The following KIDINS220 variants were observed in gnomAD, a reference collection of about 807,000 sequenced individuals.
KIDINS220 encodes kinase D-interacting substrate of 220 kDa.
In KIDINS220, 63 loss-of-function variants were observed where a neutral mutation model predicts 157.6. The ratio of observed to expected loss-of-function variants is 0.40; its 90% CI spans 0.33 to 0.49. The LOEUF is 0.49. Ranked by LOEUF, KIDINS220 falls within the 20% of genes least tolerant of loss-of-function variation. KIDINS220 has a pLI of 0.66. For missense variants in KIDINS220, 1,772 were observed against 2,171.2 expected (o/e 0.82, Z 3.65); for synonymous variants, 732 against 783.6 (o/e 0.93, Z 1.10).
intron 2 of KIDINS220, among the ~76,000 whole-genome samples, chr2:8,820,329 C>A (rs144902757): frequency 1.3e-5 from 2 of 152,282 alleles, no homozygotes; most frequent in Non-Finnish European, 2.9e-5. Flanking sequence ...GTCTGTTTTG[C>A]TTATGGGTTT....
At chr2:8,760,047 CAG>C (rs1668551453) in intron 22 of KIDINS220, among the ~76,000 whole-genome samples, 1 of 152,216 alleles carries the variant, frequency 6.6e-6, no homozygotes, top group Admixed American at 6.5e-5. Flanking sequence ...CCAGTTCAAA[CAG>C]GAGCCACAGA....
At position 8,731,224 on chromosome 2, in the gene KIDINS220, C is replaced by T. The variant is rs775005607; in HGVS notation, c.4812G>A (p.Ala1604=). The T allele has an allele frequency of 8.7e-6, 14 of 1,614,018 alleles. No individual in the cohort carries two copies. Among genetic ancestry groups the T allele is most frequent in the Admixed American group, 5.0e-5 (3 of 60,000 alleles). The part of the protein sequence containing the change: ...SPNHSLHNEV[A]DDSQLEKANL... ...TTGCCTTTTCAAGCTGGGAGTCATC[C>T]GCCACTTCATTGTGCAGAGAGTGAT... The change falls in exon 30 of 30, where the codon GCG becomes GCA. Residue 1604 remains alanine (A), a synonymous_variant. Transcript: ENST00000256707. The surrounding 1 kb of genome is among the most constrained non-coding windows in gnomAD (Gnocchi z 5.2).
chr2:8,785,709 A>T lies in KIDINS220; in HGVS notation c.2229+32T>A, dbSNP rs73916005. ...ATGGCAGTGGCAACATATTCGCATT[A>T]CAATTTTTTCTAATAACCAATGAGT... On this transcript the variant is annotated intron_variant, in intron 17 of 29. Coordinates refer to ENST00000256707, the MANE Select transcript of KIDINS220 (RefSeq NM_020738.4). The T allele has an allele frequency of 1.5e-5, 24 of 1,572,560 alleles. No individual in the cohort carries two copies. The African/African-American group carries it at 3.3e-4, about 21-fold the overall frequency.
At chr2:8,776,343 G>C (rs1282675356) in intron 21 of KIDINS220, among the ~76,000 whole-genome samples, 1 of 151,748 alleles carries the variant, frequency 6.6e-6, no homozygotes, top group Non-Finnish European at 1.5e-5. Flanking sequence ...TCAGGCACAG[G>C]GCAATAATCC....
chr2:8,820,467 T>C (rs765750143), intron 2 of KIDINS220, among the ~76,000 whole-genome samples: 1 of 152,114 alleles, frequency 6.6e-6, no homozygotes, highest in Non-Finnish European at 1.5e-5. Flanking sequence ...AATAAGCAAA[T>C]AGTTATAATG....
chr2:8,776,705 T>C, intron 21 of KIDINS220, 43 bp downstream of exon 21: 1 of 1,563,808 alleles, frequency 6.4e-7, no homozygotes, highest in Non-Finnish European at 8.8e-7. Context: ...TTGTGAATGC[T>C]AAAGCTTATT....
At chr2:8,775,940 C>T (rs368367192) in intron 21 of KIDINS220, among the ~76,000 whole-genome samples, 2 of 152,102 alleles carry the variant, frequency 1.3e-5, no homozygotes, top group African/African-American at 4.8e-5. Flanking sequence ...TCCACAATGC[C>T]CAGAAATGTT....
At chr2:8,795,015 T>G (rs1288878565) in intron 11 of KIDINS220, among the ~76,000 whole-genome samples, 1 of 152,208 alleles carries the variant, frequency 6.6e-6, no homozygotes, top group African/African-American at 2.4e-5. Flanking sequence ...AAGTAGCTTA[T>G]GTCGTAATAG....
intron 28 of KIDINS220, 135 bp from the exon 29 acceptor site, chr2:8,733,815 T>G: frequency 1.6e-6 from 1 of 611,302 alleles, no homozygotes; most frequent in East Asian, 2.9e-5. Context: ...AGTGAATTTC[T>G]AGTGAATTTG....
chr2:8,745,930 A>G (rs956285213), intron 26 of KIDINS220, among the ~76,000 whole-genome samples: 7 of 152,158 alleles, frequency 4.6e-5, no homozygotes, highest in African/African-American at 1.7e-4. Context: ...TAAACTGACC[A>G]TATTACATGG....
intron 2 of KIDINS220, among the ~76,000 whole-genome samples, chr2:8,821,785 G>A (rs1428219221): frequency 1.3e-5 from 2 of 152,040 alleles, no homozygotes; most frequent in Non-Finnish European, 2.9e-5. Flanking sequence ...AAAATAGAAC[G>A]ATTGTTATTT....
chr2:8,756,249 C>T (rs1374113298), intron 22 of KIDINS220, among the ~76,000 whole-genome samples: 1 of 152,026 alleles, frequency 6.6e-6, no homozygotes, highest in Non-Finnish European at 1.5e-5. Flanking sequence ...GTAAAATGAA[C>T]TGCCTTCTTA....
Position 8,731,626 on chromosome 2 carries a change from A to G in KIDINS220, c.4410T>C (p.Ala1470=), listed in dbSNP as rs904620493. The change falls in exon 30 of 30, where the codon GCT becomes GCC. Residue 1470 remains alanine (A), a synonymous_variant. Coordinates refer to ENST00000256707, the MANE Select transcript of KIDINS220 (RefSeq NM_020738.4). This position sits in a 1 kb window ranked among gnomAD's most constrained non-coding sequence, Gnocchi z 5.2. Reference sequence around the variant, plus strand: ...CTTCAGTGATAGGATCCAGGGGGGAAGCATCGTTGGTGGAAACCCCTGATG... The same window carrying G: ...CTTCAGTGATAGGATCCAGGGGGGAGGCATCGTTGGTGGAAACCCCTGATG... ...YSSSGVSTND[A]SPLDPITEED... The G allele has an allele frequency of 3.1e-6, 5 of 1,614,192 alleles. No individual in the cohort carries two copies. The highest frequency in any genetic ancestry group is 4.2e-6 in the Non-Finnish European group (5 of 1,180,036).
At chr2:8,827,658 A>G (rs1679008973) in intron 1 of KIDINS220, among the ~76,000 whole-genome samples, 1 of 152,000 alleles carries the variant, frequency 6.6e-6, no homozygotes. Context: ...CCCTGCCTCC[A>G]CTTTACCTGG....
Position 8,728,862 on chromosome 2 carries a change from C to A in KIDINS220, c.*1858G>T. ...CTTCAGACATGTGACAAAACAAACA[C>A]ACAAACTACTTTTATTTTTAATCAA... is the stretch of plus-strand genomic sequence containing the variant. On this transcript the variant is annotated 3_prime_UTR_variant, in exon 30 of 30. Transcript: ENST00000256707. The A allele has an allele frequency of 1.0e-6, 1 of 985,300 alleles. No individual in the cohort carries two copies. The allele number at this position is 985,300 out of a possible 1,614,324, so 61.0% of individuals were successfully genotyped here. A position where few individuals can be genotyped will look rare whatever the true frequency, so the allele number is the denominator to read the frequency against.
At chr2:8,802,852 C>T (rs1320331025) in intron 8 of KIDINS220, 78 bp downstream of exon 8, 1 of 1,124,488 alleles carries the variant, frequency 8.9e-7, no homozygotes, top group East Asian at 2.4e-5. Flanking sequence ...GCATGAGAAT[C>T]TTGAAAGGTA....
intron 2 of KIDINS220, among the ~76,000 whole-genome samples, chr2:8,822,088 C>T (rs1296242082): frequency 6.6e-6 from 1 of 152,154 alleles, no homozygotes; most frequent in Non-Finnish European, 1.5e-5. Flanking sequence ...ACACTACGCA[C>T]CTACTGAAAT....
In KIDINS220 at chr2:8,789,967, G is replaced by C; in HGVS notation, c.1534C>G (p.Leu512Val). Reference protein sequence around the residue: ...VFLTLLLCGGLGLLFAFTVHP... With the variant: ...VFLTLLLCGGVGLLFAFTVHP... ...ACCGTGAAGGCAAACAATAAACCAA[G>C]CCCTCCACAAAGTAGCAGGGTAAGA... The change falls in exon 14 of 30, where the codon CTT becomes GTT. Residue 512 changes from leucine (L) to valine (V), a missense_variant. Leu to Val is a conservative substitution (Grantham distance 32, BLOSUM62 1). This residue lies in a region of KIDINS220 where 725 missense variants were observed against 1,017.1 expected (regional missense o/e 0.71). Coordinates refer to ENST00000256707, the MANE Select transcript of KIDINS220 (RefSeq NM_020738.4). 1 of 1,613,692 alleles carries C rather than the reference G, an allele frequency of 6.2e-7. No individual in the cohort carries two copies. Among genetic ancestry groups the C allele is most frequent in the East Asian group, 2.2e-5 (1 of 44,828 alleles).
intron 2 of KIDINS220, among the ~76,000 whole-genome samples, chr2:8,821,021 A>G (rs1274337979): frequency 6.6e-6 from 1 of 152,216 alleles, no homozygotes; most frequent in African/African-American, 2.4e-5. Context: ...TTTCAAAATT[A>G]TAATTCCAAA....
Sources: allele counts gnomAD v4.1 joint callset (sites outside exome capture counted in the v4.1 genomes callset), GRCh38; gene constraint gnomAD v4.1.1; regional missense constraint gnomAD v4.1.1; non-coding constraint Gnocchi (gnomAD v3.1); transcripts MANE v1.5; gene names NCBI Gene and HGNC (gene_info 2026-07-23, HGNC 2026-07-21).